Variants in ST6GALNAC2 observed in about 807,000 individuals in gnomAD.
ST6GALNAC2 encodes alpha-N-acetylgalactosaminide alpha-2,6-sialyltransferase 2.
Under a neutral mutation model 38.7 loss-of-function variants are expected in ST6GALNAC2, and 42 were observed. That is an observed-to-expected ratio of 1.09 (90% CI 0.85 to 1.40). The LOEUF is 1.40. Ranked by LOEUF, ST6GALNAC2 falls within the 40% of genes most tolerant of loss-of-function variation. ST6GALNAC2 has a pLI of 0.00. For synonymous variants in ST6GALNAC2, 233 were observed against 209.0 expected, an observed-to-expected ratio of 1.11 and a Z score of -0.99; for missense variants, 506 against 481.7, an observed-to-expected ratio of 1.05 and a Z score of -0.47.
In ST6GALNAC2 at chr17:76,585,843, G is replaced by T; in HGVS notation, c.-35C>A. On this transcript the variant is annotated 5_prime_UTR_variant, in exon 1 of 9. Coordinates refer to ENST00000225276, the MANE Select transcript of ST6GALNAC2 (RefSeq NM_006456.3). Reference sequence around the variant, plus strand: ...GCCCGCGAGCGCCCCGTCCGCTGACGTCCCAGGCAGAAGGGAGAGAACCGG... The same window carrying T: ...GCCCGCGAGCGCCCCGTCCGCTGACTTCCCAGGCAGAAGGGAGAGAACCGG... 1 of 1,514,682 alleles carries T rather than the reference G, an allele frequency of 6.6e-7. No homozygotes were observed. Among genetic ancestry groups the T allele is most frequent in the Non-Finnish European group, 8.8e-7 (1 of 1,134,348 alleles). 93.8% of individuals were successfully genotyped at this position (1,514,682 alleles called of 1,614,324 possible). A position where few individuals can be genotyped will look rare whatever the true frequency, so the allele number is the denominator to read the frequency against.
At chr17:76,574,779 C>A (rs1386931999) in intron 2 of ST6GALNAC2, among the ~76,000 whole-genome samples, 1 of 152,042 alleles carries the variant, frequency 6.6e-6, no homozygotes, top group Non-Finnish European at 1.5e-5. Flanking sequence ...CGGGTTCACG[C>A]CATTCTCCTG....
rs942328020 is a variant in ST6GALNAC2, at chr17:76,578,905, G to A, written c.126-89C>T. ...GACTGACCGACCCCCTTAGCTCTAG[G>A]GGCGGACAAAGTCTGTCTGTGCCCA... On this transcript the variant is annotated intron_variant, in intron 1 of 8. Coordinates refer to ENST00000225276, the MANE Select transcript of ST6GALNAC2 (RefSeq NM_006456.3). The A allele has an allele frequency of 3.1e-5, 36 of 1,174,416 alleles. No homozygotes were observed. In the African/African-American group the frequency reaches 4.8e-4, roughly 16 times the overall value. The allele number at this position is 1,174,416 out of a possible 1,614,324, so 72.7% of individuals were successfully genotyped here.
At chr17:76,569,773 G>A (rs2075331842) in intron 6 of ST6GALNAC2, 1 of 310,918 alleles carries the variant, frequency 3.2e-6, no homozygotes, top group Non-Finnish European at 5.9e-6. Context: ...TCACCAAGCG[G>A]GGGTGGGGTG....
chr17:76,574,228 G>A lies in ST6GALNAC2; in HGVS notation c.361+137C>T, dbSNP rs576453430. ...GGTGAGGCAGGAGTTGCATAGCTGG[G>A]GCTTCTGGGAGGAGAGAGGGGGACA... On this transcript the variant is annotated intron_variant, in intron 3 of 8. Transcript: ENST00000225276. 157 of 1,036,024 alleles carry A rather than the reference G, an allele frequency of 1.5e-4. 1 individual carries two copies. The South Asian group carries it at 2.5e-3, about 17-fold the overall frequency. The allele number at this position is 1,036,024 out of a possible 1,614,324, so 64.2% of individuals were successfully genotyped here.
Position 76,566,020 on chromosome 17 carries a change from A to T in ST6GALNAC2, c.*84T>A. 1 of 1,434,718 alleles carries T rather than the reference A, an allele frequency of 7.0e-7. No homozygotes were observed. The highest frequency in any genetic ancestry group is 9.4e-7 in the Non-Finnish European group (1 of 1,060,926). 88.9% of individuals were successfully genotyped at this position (1,434,718 alleles called of 1,614,324 possible). ...CCTCTGTTGGCAAGGGAAGGTGAAG[A>T]TTGAAAAGTTAAAAAAGCTTTTGGC... is the stretch of plus-strand genomic sequence containing the variant. On this transcript the variant is annotated 3_prime_UTR_variant, in exon 9 of 9. Coordinates refer to ENST00000225276, the MANE Select transcript of ST6GALNAC2 (RefSeq NM_006456.3).
At chr17:76,583,164 A>C (rs1437997046) in intron 1 of ST6GALNAC2, among the ~76,000 whole-genome samples, 1 of 152,094 alleles carries the variant, frequency 6.6e-6, no homozygotes, top group Non-Finnish European at 1.5e-5. Context: ...TCACGAGGTC[A>C]GGAGATCGAG....
Position 76,574,426 on chromosome 17 carries a change from C to T in ST6GALNAC2, c.300G>A (p.Ala100=), listed in dbSNP as rs143025182. ...VLLWGDLFTP[A]LWDRLSQHKA... Reference sequence around the variant, plus strand: ...TGTGTTGGCTCAGGCGGTCCCAGAGCGCTGGGGTGAAGAGGTCCCCCCACA... The same window carrying T: ...TGTGTTGGCTCAGGCGGTCCCAGAGTGCTGGGGTGAAGAGGTCCCCCCACA... Residue 100 remains alanine, a synonymous_variant, in exon 3 of 9, where the codon GCG becomes GCA. Coordinates refer to ENST00000225276, the MANE Select transcript of ST6GALNAC2 (RefSeq NM_006456.3). 46 of 1,613,780 alleles carry T rather than the reference C, an allele frequency of 2.9e-5. No homozygotes were observed. Among genetic ancestry groups the T allele is most frequent in the African/African-American group, 1.9e-4 (14 of 74,930 alleles).
chr17:76,568,961 C>G, intron 6 of ST6GALNAC2, 165 bp from the exon 7 acceptor site: 2 of 619,990 alleles, frequency 3.2e-6, no homozygotes, highest in South Asian at 1.9e-5. Context: ...GCAGGCAGTA[C>G]GTTGGGGACC....
chr17:76,573,656 G>A lies in ST6GALNAC2; in HGVS notation c.362-293C>T, dbSNP rs958385338. On this transcript the variant is annotated intron_variant, in intron 3 of 8. Coordinates refer to ENST00000225276, the MANE Select transcript of ST6GALNAC2 (RefSeq NM_006456.3). The surrounding 1 kb of genome is among the most constrained non-coding windows in gnomAD (Gnocchi z 5.1). The stretch of plus-strand genomic sequence containing the variant: ...GCTTAAAAAAGACTGGGCTGGGCAC[G>A]GTGGCTCACACCTGTAATACCAGAA... 1.3e-5 allele frequency among the ~76,000 whole-genome samples: 2 copies of A among 152,174 alleles called. No individual in the cohort carries two copies. The highest frequency in any genetic ancestry group is 2.9e-5 in the Non-Finnish European group (2 of 68,032).
chr17:76,573,159 T>TGC lies in ST6GALNAC2; in HGVS notation c.530+35_530+36insGC. 1.4e-5 allele frequency: 22 copies of TGC among 1,530,260 alleles called. No homozygotes were observed. Among genetic ancestry groups the TGC allele is most frequent in the Non-Finnish European group, 1.9e-5 (21 of 1,120,778 alleles). 94.8% of individuals were successfully genotyped at this position (1,530,260 alleles called of 1,614,324 possible). On this transcript the variant is annotated intron_variant, in intron 4 of 8. Coordinates refer to ENST00000225276, the MANE Select transcript of ST6GALNAC2 (RefSeq NM_006456.3). This position sits in a 1 kb window ranked among gnomAD's most constrained non-coding sequence, Gnocchi z 5.1. Reference sequence around the variant, plus strand: ...GACACCCCCACCCTCCAGGCAACTCTCCCTCCCGCCCCTCCCCAGCTCCTA... The same window carrying TGC: ...GACACCCCCACCCTCCAGGCAACTCTGCCCCTCCCGCCCCTCCCCAGCTCCTA...
At chr17:76,567,185 A>G (rs1464772185) in intron 8 of ST6GALNAC2, among the ~76,000 whole-genome samples, 5 of 152,160 alleles carry the variant, frequency 3.3e-5, no homozygotes, top group Non-Finnish European at 7.4e-5. Flanking sequence ...AGAGTGAAAG[A>G]AGGAAGCCTG....
chr17:76,569,121 A>T, intron 6 of ST6GALNAC2: 1 of 72,458 alleles, frequency 1.4e-5, no homozygotes, highest in Non-Finnish European at 2.3e-5. Context: ...AGAGTGAGTC[A>T]GGAGGGGGTG....
chr17:76,571,603 CAA>C (rs2075355045), intron 5 of ST6GALNAC2, among the ~76,000 whole-genome samples: 2 of 152,290 alleles, frequency 1.3e-5, no homozygotes, highest in Non-Finnish European at 2.9e-5. Flanking sequence ...CAAAACAAAA[CAA>C]AAGTCTAAAG....
chr17:76,583,981 G>C (rs1177544548), intron 1 of ST6GALNAC2, among the ~76,000 whole-genome samples: 1 of 118,894 alleles, frequency 8.4e-6, no homozygotes, highest in African/African-American at 3.1e-5. Flanking sequence ...CTAATTTTTT[G>C]TATTTTTTAG....
At chr17:76,566,338 G>T (rs932362095) in intron 8 of ST6GALNAC2, 67 bp from the exon 9 acceptor site, 38 of 1,545,718 alleles carry the variant, frequency 2.5e-5, no homozygotes, top group Non-Finnish European at 3.1e-5. Flanking sequence ...CTTGGGTGAA[G>T]TGACATGAGT....
chr17:76,575,241 G>T (rs2075402470), intron 2 of ST6GALNAC2, among the ~76,000 whole-genome samples: 2 of 152,154 alleles, frequency 1.3e-5, no homozygotes, highest in Admixed American at 1.3e-4. Context: ...ACTGGTACTC[G>T]CTGTATAATT....
intron 1 of ST6GALNAC2, among the ~76,000 whole-genome samples, chr17:76,583,471 C>G (rs879778695): frequency 2.0e-5 from 3 of 151,880 alleles, no homozygotes; most frequent in Non-Finnish European, 4.4e-5. Context: ...AAGATAGACC[C>G]ACTGTACTGC....
intron 2 of ST6GALNAC2, among the ~76,000 whole-genome samples, chr17:76,575,843 T>C (rs1489051799): frequency 6.6e-6 from 1 of 152,206 alleles, no homozygotes; most frequent in African/African-American, 2.4e-5. Flanking sequence ...TGTTAAGCCA[T>C]TCGTTTGATC....
Position 76,574,553 on chromosome 17 carries a change from G to A in ST6GALNAC2, c.187-14C>T. The A allele has an allele frequency of 6.2e-7, 1 of 1,607,014 alleles. No homozygotes were observed. Among genetic ancestry groups the A allele is most frequent in the East Asian group, 2.2e-5 (1 of 44,688 alleles). The stretch of plus-strand genomic sequence containing the variant: ...GCAGGCCTGGCCCTGTGGGTGAGAA[G>A]GTGAGGGCTGAGCCCCGTTAGGTAG... On this transcript the variant is annotated splice_polypyrimidine_tract_variant and intron_variant, in intron 2 of 8. Coordinates refer to ENST00000225276, the MANE Select transcript of ST6GALNAC2 (RefSeq NM_006456.3).
Sources: gnomAD v4.1 joint callset for allele counts (sites outside exome capture counted in the v4.1 genomes callset) on GRCh38, gnomAD v4.1.1 for gene constraint, Gnocchi (gnomAD v3.1) non-coding constraint, MANE v1.5 for transcripts, NCBI Gene and HGNC (gene_info 2026-07-23, HGNC 2026-07-21) for gene names.